SNTB1: variants seen among roughly 807,000 people sequenced by gnomAD.
SNTB1 encodes syntrophin beta 1.
A neutral mutation model predicts 48.9 loss-of-function variants in SNTB1; 36 were observed. That is an observed-to-expected ratio of 0.74 (90% CI 0.56 to 0.97). The LOEUF is 0.97. Among genes scored for constraint, SNTB1 ranks in the 50% least tolerant of loss-of-function variants. The pLI is 0.00. For missense variants in SNTB1, 786 were observed against 703.4 expected (o/e 1.12, Z -1.33); for synonymous variants, 299 against 294.6 (o/e 1.01, Z -0.15).
intron 1 of SNTB1, among the ~76,000 whole-genome samples, chr8:120,763,016 A>T (rs956995165): frequency 6.6e-6 from 1 of 152,216 alleles, no homozygotes; most frequent in Admixed American, 6.5e-5. Context: ...GTTCATAGCC[A>T]GGCACAGAAT....
At chr8:120,781,638 G>A (rs934889528) in intron 1 of SNTB1, among the ~76,000 whole-genome samples, 1 of 152,178 alleles carries the variant, frequency 6.6e-6, no homozygotes, top group Non-Finnish European at 1.5e-5. Context: ...TACTAGGTCT[G>A]TGTATTATAC....
intron 1 of SNTB1, among the ~76,000 whole-genome samples, chr8:120,744,918 T>A (rs1819100778): frequency 6.6e-6 from 1 of 152,250 alleles, no homozygotes; most frequent in Non-Finnish European, 1.5e-5. Context: ...AGCTTTCTTT[T>A]ATTATCCAAA....
At chr8:120,609,504 G>A (rs1816584663) in intron 3 of SNTB1, among the ~76,000 whole-genome samples, 1 of 152,172 alleles carries the variant, frequency 6.6e-6, no homozygotes, top group South Asian at 2.1e-4. Context: ...GAAGTATGCA[G>A]TTCCCTCCCA....
At chr8:120,767,574 C>T (rs1819547884) in intron 1 of SNTB1, among the ~76,000 whole-genome samples, 1 of 152,164 alleles carries the variant, frequency 6.6e-6, no homozygotes, top group Admixed American at 6.5e-5. Context: ...GGCTCTACAG[C>T]CAGACTGTCT....
chr8:120,619,563 C>T (rs1375399360), intron 3 of SNTB1, among the ~76,000 whole-genome samples: 1 of 152,154 alleles, frequency 6.6e-6, no homozygotes, highest in African/African-American at 2.4e-5. Flanking sequence ...TTTGGAAACC[C>T]CATTTCACAC....
chr8:120,686,218 T>C (rs952756974), intron 2 of SNTB1, among the ~76,000 whole-genome samples: 3 of 152,274 alleles, frequency 2.0e-5, no homozygotes, highest in African/African-American at 7.2e-5. Flanking sequence ...AAACCACTTC[T>C]ACATTTTTAG....
intron 4 of SNTB1, among the ~76,000 whole-genome samples, chr8:120,573,517 G>C (rs2130684284): frequency 6.6e-6 from 1 of 152,028 alleles, no homozygotes; most frequent in African/African-American, 2.4e-5. Flanking sequence ...CCTTTGCTAT[G>C]CAGAAGCTTT....
chr8:120,780,680 G>A (rs1396910361), intron 1 of SNTB1, among the ~76,000 whole-genome samples: 4 of 152,138 alleles, frequency 2.6e-5, no homozygotes, highest in Non-Finnish European at 5.9e-5. Context: ...ATTTCTGGAA[G>A]GGGAAAGCTG....
intron 4 of SNTB1, among the ~76,000 whole-genome samples, chr8:120,563,532 G>A (rs1340249955): frequency 2.0e-5 from 3 of 152,054 alleles, no homozygotes; most frequent in African/African-American, 7.2e-5. Context: ...TCGACACCAG[G>A]AACATGTTGT....
In SNTB1 at chr8:120,693,606, C is replaced by A. The variant is rs1018503021; in HGVS notation, c.788+86G>T. ...TGGAAGCCATGATGTGTTTTCAGAA[C>A]ATGAGGGCAATCTCGTGAAAGCCCC... On this transcript the variant is annotated intron_variant, in intron 2 of 6. Coordinates refer to ENST00000517992, the MANE Select transcript of SNTB1 (RefSeq NM_021021.4). 4.1e-5 allele frequency: 46 copies of A among 1,118,126 alleles called. 1 individual carries two copies. In the Admixed American group the frequency reaches 8.7e-4, roughly 21 times the overall value. The allele number at this position is 1,118,126 out of a possible 1,614,324, so 69.3% of individuals were successfully genotyped here.
At chr8:120,690,561 T>C (rs1818108060) in intron 2 of SNTB1, among the ~76,000 whole-genome samples, 1 of 152,218 alleles carries the variant, frequency 6.6e-6, no homozygotes, top group Admixed American at 6.5e-5. Flanking sequence ...ACATTTTACC[T>C]TGGACATTTT....
At chr8:120,573,979 C>G (rs1248905602) in intron 4 of SNTB1, among the ~76,000 whole-genome samples, 1 of 152,112 alleles carries the variant, frequency 6.6e-6, no homozygotes, top group South Asian at 2.1e-4. Flanking sequence ...AAAGGTCCGT[C>G]TATAGATGAA....
chr8:120,698,315 T>C (rs189421881), intron 1 of SNTB1, among the ~76,000 whole-genome samples: 198 of 152,300 alleles, frequency 1.3e-3, no homozygotes, highest in African/African-American at 4.5e-3. Flanking sequence ...AAATGAGTCT[T>C]GAAATCTCCA....
chr8:120,572,221 C>T (rs1815866795), intron 4 of SNTB1, among the ~76,000 whole-genome samples: 1 of 152,172 alleles, frequency 6.6e-6, no homozygotes, highest in South Asian at 2.1e-4. Context: ...TTATTTCTGT[C>T]TACATCTTGC....
chr8:120,721,485 C>G (rs1818657846), intron 1 of SNTB1, among the ~76,000 whole-genome samples: 1 of 152,216 alleles, frequency 6.6e-6, no homozygotes. Context: ...TTACATAAAA[C>G]TTCAACTGTT....
rs190656657 is a variant in SNTB1 at position 120,708,717 on chromosome 8, T to C, written c.572-14809A>G. On this transcript the variant is annotated intron_variant, in intron 1 of 6. Transcript: ENST00000517992. The stretch of plus-strand genomic sequence containing the variant: ...AGATAAAAGGAGAAAAGTATATGAC[T>C]ACTTAAGTGAGGAAAATACATTTTA... Among the ~76,000 whole-genome samples the C allele has an allele frequency of 1.4e-4, 22 of 152,292 alleles. No individual in the cohort carries two copies. The East Asian group carries it at 3.5e-3, about 24-fold the overall frequency.
At chr8:120,553,275 A>G (rs1462903328) in intron 4 of SNTB1, among the ~76,000 whole-genome samples, 1 of 152,234 alleles carries the variant, frequency 6.6e-6, no homozygotes, top group Admixed American at 6.5e-5. Flanking sequence ...ATTCTCTAAC[A>G]TTTATATTAA....
intron 3 of SNTB1, among the ~76,000 whole-genome samples, chr8:120,579,256 C>A (rs569069463): frequency 1.3e-5 from 2 of 152,288 alleles, no homozygotes; most frequent in South Asian, 4.1e-4. Flanking sequence ...TACGGGGTTG[C>A]CTCCCAGTGG....
At chr8:120,569,814 T>A (rs917028881) in intron 4 of SNTB1, among the ~76,000 whole-genome samples, 3 of 152,218 alleles carry the variant, frequency 2.0e-5, no homozygotes, top group Non-Finnish European at 4.4e-5. Context: ...GGATCTGAAT[T>A]GTTAATTTCA....
Sources: allele counts gnomAD v4.1 joint callset (sites outside exome capture counted in the v4.1 genomes callset), GRCh38; gene constraint gnomAD v4.1.1; transcripts MANE v1.5; gene names NCBI Gene and HGNC (gene_info 2026-07-23, HGNC 2026-07-21).